Variants in SKAP1 observed in about 807,000 individuals in gnomAD.
SKAP1 encodes src kinase-associated phosphoprotein 1.
A neutral mutation model predicts 58.5 loss-of-function variants in SKAP1; 44 were observed. The ratio of observed to expected loss-of-function variants is 0.75; its 90% confidence interval spans 0.59 to 0.97. SKAP1 has a LOEUF of 0.97. Ranked by LOEUF, SKAP1 falls within the 50% of genes least tolerant of loss-of-function variation. The pLI, the probability that SKAP1 is intolerant of heterozygous loss-of-function variation, is 0.00. For missense variants in SKAP1, 390 were observed against 435.2 expected (o/e 0.90, Z 0.92); for synonymous variants, 127 against 149.7 (o/e 0.85, Z 1.11).
intron 4 of SKAP1, among the ~76,000 whole-genome samples, chr17:48,278,435 A>G (rs2065726271): frequency 6.6e-6 from 1 of 152,250 alleles, no homozygotes; most frequent in Non-Finnish European, 1.5e-5. Flanking sequence ...GACCTCAATT[A>G]TAATAGAATA....
rs1334539256 is a variant in SKAP1, at chr17:48,188,892, C to T, written c.358+531G>A. ...GCACGCACCTGTAGTCCCAGTTACT[C>T]AGGAGGCTGAGACAGCAGAATCGCT... On this transcript the variant is annotated intron_variant, in intron 5 of 12. Coordinates refer to ENST00000336915, the MANE Select transcript of SKAP1 (RefSeq NM_003726.4). Among the ~76,000 whole-genome samples, 4 of 152,098 alleles carry T rather than the reference C, an allele frequency of 2.6e-5. No individual in the cohort carries two copies. In the East Asian group the frequency reaches 7.7e-4, roughly 29 times the overall value.
At chr17:48,368,614 A>G (rs2067041037) in intron 2 of SKAP1, among the ~76,000 whole-genome samples, 1 of 152,232 alleles carries the variant, frequency 6.6e-6, no homozygotes, top group Admixed American at 6.5e-5. Flanking sequence ...ACTCCTCTGC[A>G]ATATCCATAC....
At chr17:48,349,606 T>C (rs2066769909) in intron 3 of SKAP1, among the ~76,000 whole-genome samples, 1 of 152,228 alleles carries the variant, frequency 6.6e-6, no homozygotes, top group Non-Finnish European at 1.5e-5. Flanking sequence ...TTTGCTCCTG[T>C]AGCCTAAGTG....
intron 4 of SKAP1, chr17:48,344,185 A>G: frequency 5.5e-6 from 2 of 365,170 alleles, no homozygotes; most frequent in Non-Finnish European, 7.6e-6. Context: ...TGCTATTTAA[A>G]AAAAATTATT....
At chr17:48,210,816 T>G (rs1156479616) in intron 4 of SKAP1, among the ~76,000 whole-genome samples, 1 of 152,236 alleles carries the variant, frequency 6.6e-6, no homozygotes, top group Non-Finnish European at 1.5e-5. Context: ...ATTTCATCAC[T>G]GTGGTATCTT....
intron 4 of SKAP1, among the ~76,000 whole-genome samples, chr17:48,251,099 T>C (rs2065358356): frequency 6.6e-6 from 1 of 152,204 alleles, no homozygotes; most frequent in Admixed American, 6.5e-5. Context: ...AAAACATTAT[T>C]TATATGTGTG....
At chr17:48,363,736 A>C in intron 3 of SKAP1, 53 bp downstream of exon 3, 19 of 1,485,776 alleles carry the variant, frequency 1.3e-5, no homozygotes, top group Non-Finnish European at 1.8e-5. Flanking sequence ...GGAATAAACA[A>C]TCCCATTTAC....
the SKAP1 span, among the ~76,000 whole-genome samples, chr17:48,439,082 C>A: frequency 2.6e-5 from 4 of 152,206 alleles, no homozygotes; most frequent in African/African-American, 9.7e-5. Flanking sequence ...CATGTTCTAC[C>A]TCCAAGGACA....
At chr17:48,348,340 CAA>C (rs565006476) in intron 3 of SKAP1, among the ~76,000 whole-genome samples, 30 of 75,154 alleles carry the variant, frequency 4.0e-4, no homozygotes, top group Admixed American at 7.5e-4. Flanking sequence ...AGCCCTGCCT[CAA>C]AAAAAAAAAA....
At chr17:48,313,383 C>G (rs554862727) in intron 4 of SKAP1, among the ~76,000 whole-genome samples, 1 of 152,070 alleles carries the variant, frequency 6.6e-6, no homozygotes, top group Non-Finnish European at 1.5e-5. Flanking sequence ...GAAGCTGACC[C>G]GTGAAGTTCT....
chr17:48,402,574 C>T (rs1283116988), intron 1 of SKAP1, among the ~76,000 whole-genome samples: 1 of 152,184 alleles, frequency 6.6e-6, no homozygotes, highest in Non-Finnish European at 1.5e-5. Flanking sequence ...AAGCAAACTG[C>T]CTGCCTTGGC....
At chr17:48,198,159 A>G (rs1180682197) in intron 4 of SKAP1, among the ~76,000 whole-genome samples, 1 of 152,224 alleles carries the variant, frequency 6.6e-6, no homozygotes, top group Non-Finnish European at 1.5e-5. Flanking sequence ...TACTTTTAGA[A>G]TAAGAATGGG....
chr17:48,296,673 A>T (rs544152537), intron 4 of SKAP1, among the ~76,000 whole-genome samples: 273 of 152,300 alleles, frequency 1.8e-3, no homozygotes, highest in South Asian at 3.3e-3. Context: ...TTACGTGAGC[A>T]GCTGGGAGTA....
At chr17:48,439,043 A>G in the SKAP1 span, among the ~76,000 whole-genome samples, 4 of 152,256 alleles carry the variant, frequency 2.6e-5, no homozygotes, top group Non-Finnish European at 5.9e-5. Flanking sequence ...GATCCACTTC[A>G]TTTCCTGAAT....
chr17:48,425,834 C>T (rs948489379), intron 1 of SKAP1, among the ~76,000 whole-genome samples: 1 of 152,192 alleles, frequency 6.6e-6, no homozygotes, highest in African/African-American at 2.4e-5. Flanking sequence ...AAAGCAGACA[C>T]AGACACTTAC....
chr17:48,278,612 A>G (rs2065729026), intron 4 of SKAP1, among the ~76,000 whole-genome samples: 1 of 152,186 alleles, frequency 6.6e-6, no homozygotes, highest in Non-Finnish European at 1.5e-5. Flanking sequence ...TTAATAGTCC[A>G]GATGAGAATC....
chr17:48,195,936 A>G (rs188797022), intron 4 of SKAP1, among the ~76,000 whole-genome samples: 469 of 152,342 alleles, frequency 3.1e-3, no homozygotes, highest in Non-Finnish European at 5.3e-3. Flanking sequence ...CTAGGTCAGT[A>G]GTACAAAGAA....
At chr17:48,254,219 A>G (rs1004518587) in intron 4 of SKAP1, among the ~76,000 whole-genome samples, 12 of 152,170 alleles carry the variant, frequency 7.9e-5, no homozygotes, top group African/African-American at 2.7e-4. Context: ...AACTTTTGGT[A>G]AGAGAAACTT....
intron 4 of SKAP1, among the ~76,000 whole-genome samples, chr17:48,310,370 A>C (rs751453548): frequency 1.8e-4 from 27 of 152,210 alleles, no homozygotes; most frequent in Non-Finnish European, 3.4e-4. Context: ...CCTTCTGTAC[A>C]TGTGAAGAAA....
Sources: allele counts gnomAD v4.1 joint callset (sites outside exome capture counted in the v4.1 genomes callset), GRCh38; gene constraint gnomAD v4.1.1; transcripts MANE v1.5; gene names NCBI Gene and HGNC (gene_info 2026-07-23, HGNC 2026-07-21).